The following EIF4G3 variants were observed in gnomAD, a reference collection of about 807,000 sequenced individuals.
EIF4G3 encodes eIF-4-gamma 3.
A neutral mutation model predicts 186.4 loss-of-function variants in EIF4G3; 34 were observed. The observed-to-expected ratio is 0.18, with a 90% CI of 0.14 to 0.24. EIF4G3 has a LOEUF of 0.24. EIF4G3 is among the 10% of genes least tolerant of loss of function. EIF4G3 has a pLI of 1.00. For missense variants in EIF4G3, 1,536 were observed against 1,948.5 expected (o/e 0.79, Z 3.99); for synonymous variants, 673 against 679.5 (o/e 0.99, Z 0.15).
intron 14 of EIF4G3, among the ~76,000 whole-genome samples, chr1:20,908,603 G>C (rs952891878): frequency 2.6e-5 from 4 of 152,092 alleles, no homozygotes; most frequent in Admixed American, 2.0e-4. Flanking sequence ...GGTATCTGTA[G>C]GATGTAATAC....
intron 3 of EIF4G3, among the ~76,000 whole-genome samples, chr1:21,051,359 A>C (rs1338857936): frequency 6.6e-6 from 1 of 152,184 alleles, no homozygotes; most frequent in Non-Finnish European, 1.5e-5. Flanking sequence ...AGATGACTAC[A>C]GAAGAGGAAC....
intron 3 of EIF4G3, among the ~76,000 whole-genome samples, chr1:21,060,255 G>A (rs2094820957): frequency 6.6e-6 from 1 of 152,180 alleles, no homozygotes; most frequent in Non-Finnish European, 1.5e-5. Flanking sequence ...CAGCCAGGGT[G>A]GACTCAAATC....
intron 14 of EIF4G3, among the ~76,000 whole-genome samples, chr1:20,911,926 C>T (rs1023628193): frequency 6.6e-6 from 1 of 151,816 alleles, no homozygotes; most frequent in African/African-American, 2.4e-5. Context: ...TAGACTCTGT[C>T]ACTTAAAAAA....
intron 29 of EIF4G3, among the ~76,000 whole-genome samples, chr1:20,848,726 A>C (rs931607500): frequency 1.3e-5 from 2 of 152,104 alleles, no homozygotes; most frequent in Non-Finnish European, 1.5e-5. Flanking sequence ...TTCAAGATTA[A>C]TATGAGAATG....
At chr1:20,838,494 G>GT (rs1037367944) in intron 30 of EIF4G3, among the ~76,000 whole-genome samples, 17 of 152,256 alleles carry the variant, frequency 1.1e-4, no homozygotes, top group Admixed American at 9.8e-4. Flanking sequence ...TTGTGAGGGT[G>GT]TACATACCTT....
chr1:21,155,262 CAAAAAAAAA>C (rs34182850), intron 2 of EIF4G3, among the ~76,000 whole-genome samples: 7 of 43,326 alleles, frequency 1.6e-4, no homozygotes, highest in Non-Finnish European at 1.2e-4. Context: ...GACTCTGTCT[CAAAAAAAAA>C]AAAAAAAAAA....
chr1:21,151,873 C>T (rs2097557238), intron 2 of EIF4G3, among the ~76,000 whole-genome samples: 1 of 152,146 alleles, frequency 6.6e-6, no homozygotes, highest in Non-Finnish European at 1.5e-5. Flanking sequence ...GTCTCACCCA[C>T]TCCACTTGGA....
chr1:20,974,847 T>C (rs183716063), intron 10 of EIF4G3, among the ~76,000 whole-genome samples: 1 of 152,302 alleles, frequency 6.6e-6, no homozygotes, highest in Admixed American at 6.5e-5. Context: ...AGATTGGCTT[T>C]CCATAGAACA....
intron 2 of EIF4G3, among the ~76,000 whole-genome samples, chr1:21,092,843 A>G (rs1359749047): frequency 6.6e-6 from 1 of 152,212 alleles, no homozygotes; most frequent in African/African-American, 2.4e-5. Context: ...AAAACAAGAA[A>G]TGGGGAAAAG....
At chr1:20,808,264 C>G (rs1004836991) in intron 36 of EIF4G3, among the ~76,000 whole-genome samples, 2 of 151,850 alleles carry the variant, frequency 1.3e-5, no homozygotes, top group African/African-American at 4.8e-5. Context: ...AATTTAAATA[C>G]GAGTAGTTTT....
chr1:20,997,928 A>C (rs973979547), intron 6 of EIF4G3, among the ~76,000 whole-genome samples: 7 of 151,988 alleles, frequency 4.6e-5, no homozygotes, highest in Non-Finnish European at 1.0e-4. Context: ...AAAAAAAAAA[A>C]AAAACCCTAA....
chr1:21,077,015 G>A (rs753467614), intron 3 of EIF4G3, among the ~76,000 whole-genome samples: 4 of 152,100 alleles, frequency 2.6e-5, no homozygotes, highest in Admixed American at 6.6e-5. Context: ...CTTACAGAAC[G>A]GGAGAAAATA....
intron 3 of EIF4G3, among the ~76,000 whole-genome samples, chr1:21,087,409 G>T (rs2096023553): frequency 6.6e-6 from 1 of 152,104 alleles, no homozygotes; most frequent in Non-Finnish European, 1.5e-5. Context: ...GATCACTTGA[G>T]CCCAGGAATT....
intron 23 of EIF4G3, 141 bp downstream of exon 23, chr1:20,862,087 G>C: frequency 1.9e-6 from 1 of 525,022 alleles, no homozygotes; most frequent in Non-Finnish European, 3.3e-6. Context: ...CTCTCCCACG[G>C]AAAGTTTGCC....
chr1:20,985,829 A>G (rs1379329602), intron 7 of EIF4G3, among the ~76,000 whole-genome samples: 1 of 152,240 alleles, frequency 6.6e-6, no homozygotes, highest in African/African-American at 2.4e-5. Flanking sequence ...TAGGGATAAG[A>G]AACTTCAGCA....
intron 22 of EIF4G3, among the ~76,000 whole-genome samples, chr1:20,863,212 T>C (rs1244446413): frequency 2.0e-5 from 3 of 152,012 alleles, no homozygotes; most frequent in Admixed American, 6.6e-5. Context: ...GGAAATGTTA[T>C]GCTATAGCTT....
intron 7 of EIF4G3, among the ~76,000 whole-genome samples, chr1:20,993,161 A>C (rs1045730141): frequency 1.3e-5 from 2 of 152,214 alleles, no homozygotes; most frequent in East Asian, 3.8e-4. Context: ...ACTAATAGTA[A>C]TATCAGGAAG....
chr1:21,081,569 T>C (rs1359457816), intron 3 of EIF4G3, among the ~76,000 whole-genome samples: 2 of 151,980 alleles, frequency 1.3e-5, no homozygotes, highest in Admixed American at 1.3e-4. Flanking sequence ...AAAAACCAGG[T>C]TAAAATAAAC....
At chr1:20,954,997 G>A (rs910011606) in intron 12 of EIF4G3, among the ~76,000 whole-genome samples, 5 of 152,172 alleles carry the variant, frequency 3.3e-5, no homozygotes, top group African/African-American at 4.8e-5. Flanking sequence ...CATGCAGAGA[G>A]AACACATGTA....
Sources: allele counts gnomAD v4.1 joint callset (sites outside exome capture counted in the v4.1 genomes callset), GRCh38; gene constraint gnomAD v4.1.1; transcripts MANE v1.5; gene names NCBI Gene and HGNC (gene_info 2026-07-23, HGNC 2026-07-21).